Variants in DLG2 observed in about 807,000 individuals in gnomAD.
The protein encoded by DLG2 is discs large MAGUK scaffold protein 2.
A neutral mutation model predicts 132.5 loss-of-function variants in DLG2; 45 were observed. The ratio of observed to expected loss-of-function variants is 0.34; its 90% confidence interval spans 0.27 to 0.44. The LOEUF is 0.44. DLG2 is among the 20% of genes least tolerant of loss of function. The pLI is 1.00. For missense variants in DLG2, 1,045 were observed against 1,196.9 expected (o/e 0.87, Z 1.87); for synonymous variants, 424 against 419.6 (o/e 1.01, Z -0.13).
At chr11:84,568,307 G>A (rs1407690382) in intron 6 of DLG2, among the ~76,000 whole-genome samples, 6 of 152,144 alleles carry the variant, frequency 3.9e-5, no homozygotes, top group Admixed American at 1.3e-4. Context: ...ACAGGAGTTC[G>A]AGACTATCCT....
chr11:84,529,577 A>G (rs2099330295), intron 7 of DLG2, among the ~76,000 whole-genome samples: 1 of 152,232 alleles, frequency 6.6e-6, no homozygotes, highest in Non-Finnish European at 1.5e-5. Context: ...CTATGAATAC[A>G]GCTAACCATG....
intron 18 of DLG2, among the ~76,000 whole-genome samples, chr11:83,646,263 T>C (rs1449889205): frequency 6.6e-6 from 1 of 152,120 alleles, no homozygotes; most frequent in Non-Finnish European, 1.5e-5. Flanking sequence ...ACAGCTTAGT[T>C]TGTTTCCCAT....
At chr11:84,313,375 A>C (rs1000251974) in intron 7 of DLG2, among the ~76,000 whole-genome samples, 1 of 151,780 alleles carries the variant, frequency 6.6e-6, no homozygotes, top group African/African-American at 2.4e-5. Context: ...TCTGCCTCCC[A>C]AGTGCTGGGA....
At chr11:84,214,034 C>T (rs1050383443) in intron 8 of DLG2, among the ~76,000 whole-genome samples, 1 of 150,618 alleles carries the variant, frequency 6.6e-6, no homozygotes, top group Admixed American at 6.6e-5. Context: ...GGCAAATAAC[C>T]CAATGGACTA....
chr11:84,502,202 CCTTCCTTCCTTCCTTCCTTCCT>C lies in DLG2; in HGVS notation c.519+32346_519+32367del, dbSNP rs1399866470. 9.1e-3 allele frequency among the ~76,000 whole-genome samples: 226 copies of C among 24,942 alleles called. 49 individuals are homozygous for C. The highest frequency in any genetic ancestry group is 0.019 in the Middle Eastern group (1 of 52). 16.4% of individuals were successfully genotyped at this position (24,942 alleles called of 152,430 possible). A position where few individuals can be genotyped will look rare whatever the true frequency, so the allele number is the denominator to read the frequency against. On this transcript the variant is annotated intron_variant, in intron 7 of 27. Transcript: ENST00000376104. ...TCTCTCTCTTTCTCTCTCTCTCTCT[CCTTCCTTCCTTCCTTCCTTCCT>C]TCCTTCCTTCCTTCCTTCCTTCCTT... is the stretch of plus-strand genomic sequence containing the variant.
chr11:83,531,286 A>G (rs2095737556), intron 21 of DLG2, among the ~76,000 whole-genome samples: 1 of 152,000 alleles, frequency 6.6e-6, no homozygotes, highest in South Asian at 2.1e-4. Context: ...TAACCCAACT[A>G]TATAAAGAAC....
At chr11:85,001,163 C>T (rs953168603) in intron 6 of DLG2, among the ~76,000 whole-genome samples, 2 of 151,392 alleles carry the variant, frequency 1.3e-5, no homozygotes, top group African/African-American at 4.9e-5. Context: ...GCATGATTAC[C>T]GCTTCCTGCA....
At chr11:84,947,612 A>T (rs780032234) in intron 6 of DLG2, among the ~76,000 whole-genome samples, 2 of 152,174 alleles carry the variant, frequency 1.3e-5, no homozygotes, top group African/African-American at 4.8e-5. Context: ...GAGTCTGCCA[A>T]ATCCAAGTGA....
chr11:84,394,504 C>G (rs960828196), intron 7 of DLG2, among the ~76,000 whole-genome samples: 3 of 152,150 alleles, frequency 2.0e-5, no homozygotes, highest in Non-Finnish European at 4.4e-5. Flanking sequence ...GGCTCTTTCT[C>G]ATTTTCACCA....
chr11:85,338,817 G>T (rs1391269069), intron 3 of DLG2, among the ~76,000 whole-genome samples: 3 of 147,344 alleles, frequency 2.0e-5, no homozygotes, highest in Non-Finnish European at 4.4e-5. Context: ...CCATTCTCCT[G>T]CCTCAGCCTC....
chr11:85,390,128 C>T (rs886873439), intron 3 of DLG2, among the ~76,000 whole-genome samples: 4 of 151,980 alleles, frequency 2.6e-5, no homozygotes, highest in Non-Finnish European at 5.9e-5. Context: ...CACATAACCA[C>T]TCACATAAAC....
In DLG2 at chr11:84,797,471, C is replaced by T. The variant is rs565248875; in HGVS notation, c.358-262740G>A. Among the ~76,000 whole-genome samples, 6 of 152,270 alleles carry T rather than the reference C, an allele frequency of 3.9e-5. No homozygotes were observed. In the East Asian group the frequency reaches 5.8e-4, roughly 15 times the overall value. ...TTCAAATAGCCTGTCTTCAAGCTCACGATTTCTTTCTTCTTTTTGATCAAT... is the reference window on the plus strand; with the variant it reads ...TTCAAATAGCCTGTCTTCAAGCTCATGATTTCTTTCTTCTTTTTGATCAAT... On this transcript the variant is annotated intron_variant, in intron 6 of 27. Transcript: ENST00000376104.
chr11:84,291,300 G>A (rs2097992661), intron 7 of DLG2, among the ~76,000 whole-genome samples: 1 of 152,038 alleles, frequency 6.6e-6, no homozygotes, highest in African/African-American at 2.4e-5. Context: ...GAATTAATAA[G>A]GTTAGGTAGA....
intron 6 of DLG2, among the ~76,000 whole-genome samples, chr11:84,995,657 G>C (rs555277942): frequency 6.6e-6 from 1 of 152,122 alleles, no homozygotes; most frequent in East Asian, 1.9e-4. Context: ...GAACATTTGA[G>C]AGATTGTCTT....
At chr11:85,226,303 G>C (rs2074974201) in intron 4 of DLG2, among the ~76,000 whole-genome samples, 2 of 151,950 alleles carry the variant, frequency 1.3e-5, no homozygotes, top group Admixed American at 1.3e-4. Flanking sequence ...TGGATGGATA[G>C]ATAAATGTAA....
Position 84,590,860 on chromosome 11 carries a change from G to A in DLG2, c.358-56129C>T, listed in dbSNP as rs747623334. 5.3e-5 allele frequency among the ~76,000 whole-genome samples: 8 copies of A among 152,266 alleles called. No homozygotes were observed. The East Asian group carries it at 7.7e-4, about 15-fold the overall frequency. ...ATAATAACAGAAATTTAAAGCCTACGATGGGTGATGGGGCACATCTATGAG... is the reference window on the plus strand; with the variant it reads ...ATAATAACAGAAATTTAAAGCCTACAATGGGTGATGGGGCACATCTATGAG... On this transcript the variant is annotated intron_variant, in intron 6 of 27. Coordinates refer to ENST00000376104, the MANE Select transcript of DLG2 (RefSeq NM_001142699.3).
chr11:85,508,881 A>G (rs1292820200), intron 3 of DLG2, among the ~76,000 whole-genome samples: 1 of 152,074 alleles, frequency 6.6e-6, no homozygotes, highest in Non-Finnish European at 1.5e-5. Flanking sequence ...CTTGTTATCT[A>G]ATCTAGATGA....
At chr11:85,426,824 T>A (rs190813) in intron 3 of DLG2, among the ~76,000 whole-genome samples, 135,065 of 152,126 alleles carry the variant, frequency 0.89, 60,192 homozygotes, top group Non-Finnish European at 0.91. Flanking sequence ...TGATCAAACT[T>A]CTCTGAGCTA....
chr11:83,946,191 T>C (rs116714064), intron 14 of DLG2, among the ~76,000 whole-genome samples: 74 of 152,230 alleles, frequency 4.9e-4, no homozygotes, highest in African/African-American at 1.6e-3. Flanking sequence ...GGCTTCACCA[T>C]GTTGGCCAGG....
Sources: allele counts gnomAD v4.1 joint callset (sites outside exome capture counted in the v4.1 genomes callset), GRCh38; gene constraint gnomAD v4.1.1; transcripts MANE v1.5; gene names NCBI Gene and HGNC (gene_info 2026-07-23, HGNC 2026-07-21).